KATNBL1: variants seen among roughly 807,000 people sequenced by gnomAD.
The protein encoded by KATNBL1 is katanin regulatory subunit B1 like 1, also known as KATNB1-like protein 1.
KATNBL1 carries 28 observed loss-of-function variants against 44.7 expected under a neutral mutation model. The observed-to-expected ratio is 0.63, with a 90% confidence interval of 0.46 to 0.86. KATNBL1 has a LOEUF of 0.86. Ranked by LOEUF, KATNBL1 falls within the 40% of genes least tolerant of loss-of-function variation. KATNBL1 has a pLI of 0.00. For missense variants in KATNBL1, 272 were observed against 350.7 expected (o/e 0.78, Z 1.79); for synonymous variants, 78 against 114.9 (o/e 0.68, Z 2.06).
intron 1 of KATNBL1, among the ~76,000 whole-genome samples, chr15:34,188,136 G>GCAAAAAAAAAAAAAAAAAAAAAA (rs1394136257): frequency 6.1e-4 from 4 of 6,578 alleles, no homozygotes; most frequent in Non-Finnish European, 8.8e-4. Flanking sequence ...AAGACGCCAT[G>GCAAAAAAAAAAAAAAAAAAAAAA]TAAAAAAAAA....
At position 34,163,585 on chromosome 15, in the gene KATNBL1, T is replaced by C; in HGVS notation, c.92A>G (p.Asn31Ser). 1 of 1,595,696 alleles carries C rather than the reference T, an allele frequency of 6.3e-7. No homozygotes were observed. The highest frequency in any genetic ancestry group is 2.3e-5 in the East Asian group (1 of 44,408). Residue 31 changes from asparagine to serine, a missense_variant, in exon 2 of 10, where the codon AAT becomes AGT. Asn to Ser is a conservative substitution (Grantham distance 46, BLOSUM62 1). Transcript: ENST00000256544. Reference protein sequence around the residue: ...FIDLPRKKISNFTNKNMKEVK... With the variant: ...FIDLPRKKISSFTNKNMKEVK... ...CTCCTTCATGTTCTTATTAGTGAAATTAGAGATCTTTTTTCTAGGAAGATC... is the reference window on the plus strand; with the variant it reads ...CTCCTTCATGTTCTTATTAGTGAAACTAGAGATCTTTTTTCTAGGAAGATC...
intron 1 of KATNBL1, among the ~76,000 whole-genome samples, chr15:34,166,839 C>A (rs1017698354): frequency 6.6e-6 from 1 of 152,282 alleles, no homozygotes; most frequent in Non-Finnish European, 1.5e-5. Flanking sequence ...TCCAACAGAC[C>A]TGCAGCTGAG....
At chr15:34,206,912 T>C (rs567326584) in intron 1 of KATNBL1, among the ~76,000 whole-genome samples, 7 of 152,280 alleles carry the variant, frequency 4.6e-5, no homozygotes, top group African/African-American at 1.7e-4. Flanking sequence ...ATTATATTCC[T>C]AAATACATTT....
intron 1 of KATNBL1, among the ~76,000 whole-genome samples, chr15:34,201,347 G>A (rs1351488851): frequency 1.3e-5 from 2 of 152,194 alleles, no homozygotes; most frequent in Admixed American, 1.3e-4. Flanking sequence ...GTCTGTGAGG[G>A]ACTACTTGTA....
At chr15:34,166,511 C>T (rs903314430) in intron 1 of KATNBL1, among the ~76,000 whole-genome samples, 34 of 152,384 alleles carry the variant, frequency 2.2e-4, no homozygotes, top group African/African-American at 6.0e-4. Context: ...GGGGTCAGGG[C>T]ATAGCTGAAC....
intron 1 of KATNBL1, among the ~76,000 whole-genome samples, chr15:34,181,793 TATCCATATATATACATATATAC>T (rs199935616): frequency 8.8e-5 from 7 of 79,430 alleles, no homozygotes; most frequent in South Asian, 4.7e-4. Context: ...TCCATATATA[TATCCATATATATACATATATAC>T]ATGTCCATAT....
At chr15:34,186,656 GCCCCAGGAAGGATCCC>G (rs1472543096) in intron 1 of KATNBL1, among the ~76,000 whole-genome samples, 5 of 152,194 alleles carry the variant, frequency 3.3e-5, no homozygotes, top group Non-Finnish European at 7.4e-5. Flanking sequence ...ACCCTTGGGC[GCCCCAGGAAGGATCCC>G]CCTCCCCACT....
chr15:34,145,367 T>C, intron 9 of KATNBL1, 31 bp downstream of exon 9: 1 of 1,364,642 alleles, frequency 7.3e-7, no homozygotes, highest in Non-Finnish European at 9.6e-7. Context: ...TAATTTTTAA[T>C]GTTTAATTTA....
At chr15:34,178,673 A>G (rs747648938) in intron 1 of KATNBL1, among the ~76,000 whole-genome samples, 38 of 150,248 alleles carry the variant, frequency 2.5e-4, no homozygotes, top group Admixed American at 1.9e-3. Flanking sequence ...GGAGAATGGC[A>G]TGAACCCAGG....
rs1888132764 is a variant in KATNBL1 at position 34,140,786 on chromosome 15, A to C, written c.*1553T>G. On this transcript the variant is annotated 3_prime_UTR_variant, in exon 10 of 10. Coordinates refer to ENST00000256544, the MANE Select transcript of KATNBL1 (RefSeq NM_024713.3). ...TGGCCTCTTAAATAACTCACCTCTCAAATCACAGACGTGCAATAATCTGAA... is the reference window on the plus strand; with the variant it reads ...TGGCCTCTTAAATAACTCACCTCTCCAATCACAGACGTGCAATAATCTGAA... 6.6e-6 allele frequency: 1 copy of C among 152,158 alleles called. No individual in the cohort carries two copies. Among genetic ancestry groups the C allele is most frequent in the South Asian group, 2.1e-4 (1 of 4,828 alleles). 9.4% of individuals were successfully genotyped at this position (152,158 alleles called of 1,614,324 possible).
chr15:34,154,605 A>G (rs768837380), intron 3 of KATNBL1, 39 bp downstream of exon 3: 6 of 1,306,322 alleles, frequency 4.6e-6, no homozygotes, highest in East Asian at 2.3e-5. Context: ...CCCAGCTTTC[A>G]TATTTGTTGT....
At chr15:34,181,453 T>C (rs891358199) in intron 1 of KATNBL1, among the ~76,000 whole-genome samples, 8 of 151,448 alleles carry the variant, frequency 5.3e-5, no homozygotes, top group African/African-American at 1.9e-4. Flanking sequence ...ACCTCTTAAA[T>C]ACTGAAGGTC....
intron 1 of KATNBL1, among the ~76,000 whole-genome samples, chr15:34,184,572 G>GTTTTTTT (rs1889664192): frequency 8.1e-5 from 1 of 12,350 alleles, no homozygotes; most frequent in South Asian, 5.6e-3. Context: ...CTCTCCTAAT[G>GTTTTTTT]TTTCTTTTTT....
intron 1 of KATNBL1, chr15:34,177,816 C>T (rs1047573856): frequency 1.3e-5 from 2 of 152,120 alleles, no homozygotes; most frequent in African/African-American, 4.8e-5. Context: ...ATATTTATCA[C>T]TTACATTGTA....
intron 1 of KATNBL1, among the ~76,000 whole-genome samples, chr15:34,198,102 T>A (rs1890074463): frequency 6.6e-6 from 1 of 152,196 alleles, no homozygotes; most frequent in South Asian, 2.1e-4. Context: ...TAATAGGAAC[T>A]GATAAATTAA....
At chr15:34,147,773 A>C (rs1484645313) in intron 5 of KATNBL1, among the ~76,000 whole-genome samples, 1 of 152,226 alleles carries the variant, frequency 6.6e-6, no homozygotes, top group Non-Finnish European at 1.5e-5. Context: ...TTGGTCAAAG[A>C]AGGCTTCCCT....
At chr15:34,188,137 TAAAA>T (rs1201268078) in intron 1 of KATNBL1, among the ~76,000 whole-genome samples, 370 of 22,076 alleles carry the variant, frequency 0.017, 4 homozygotes, top group African/African-American at 0.036. Context: ...AGACGCCATG[TAAAA>T]AAAAAAAAAA....
At chr15:34,175,778 T>C (rs1255942279) in intron 1 of KATNBL1, among the ~76,000 whole-genome samples, 1 of 152,186 alleles carries the variant, frequency 6.6e-6, no homozygotes, top group African/African-American at 2.4e-5. Flanking sequence ...TTTCCAAATA[T>C]TACTTGAACC....
intron 1 of KATNBL1, among the ~76,000 whole-genome samples, chr15:34,165,364 A>G (rs932056381): frequency 5.3e-5 from 8 of 152,214 alleles, no homozygotes; most frequent in Non-Finnish European, 5.9e-5. Flanking sequence ...GAATGGATTG[A>G]ACACATGCAA....
Sources: gnomAD v4.1 joint callset for allele counts (sites outside exome capture counted in the v4.1 genomes callset) on GRCh38, gnomAD v4.1.1 for gene constraint, MANE v1.5 for transcripts, NCBI Gene and HGNC (gene_info 2026-07-23, HGNC 2026-07-21) for gene names.